DOCK10: variants seen among roughly 807,000 people sequenced by gnomAD.
DOCK10 encodes the protein dedicator of cytokinesis protein 10.
DOCK10 carries 145 observed loss-of-function variants against 280.1 expected under a neutral mutation model. The observed-to-expected ratio is 0.52, with a 90% confidence interval of 0.45 to 0.59. DOCK10 has a LOEUF of 0.59. DOCK10 is among the 20% of genes least tolerant of loss of function. The probability of loss-of-function intolerance (pLI) is 0.00; values close to 1 mark genes in which losing one functional copy is unlikely to be tolerated. For synonymous variants in DOCK10, 915 were observed against 942.2 expected (o/e 0.97, Z 0.53); for missense variants, 2,368 against 2,651.7 (o/e 0.89, Z 2.35).
chr2:224,912,432 G>GCTGCC (rs1219925475), intron 3 of DOCK10, among the ~76,000 whole-genome samples: 1 of 152,068 alleles, frequency 6.6e-6, no homozygotes, highest in Non-Finnish European at 1.5e-5. Flanking sequence ...ACCATGCCCA[G>GCTGCC]CTGCCCCCAT....
chr2:224,855,966 A>G (rs1697107432), intron 15 of DOCK10, among the ~76,000 whole-genome samples: 1 of 152,218 alleles, frequency 6.6e-6, no homozygotes. Flanking sequence ...GATTATCTGT[A>G]CATCTCTAAG....
At chr2:224,891,975 C>T (rs1050154278) in intron 4 of DOCK10, among the ~76,000 whole-genome samples, 3 of 152,160 alleles carry the variant, frequency 2.0e-5, no homozygotes, top group Admixed American at 6.5e-5. Context: ...CCCAGAAGAG[C>T]TGCAATAATG....
In DOCK10 at chr2:225,019,319, A is replaced by G. The variant is rs183410066; in HGVS notation, c.123+22933T>C. Among the ~76,000 whole-genome samples the G allele has an allele frequency of 2.5e-3, 379 of 151,824 alleles. 2 individuals carry two copies. Among genetic ancestry groups the G allele is most frequent in the African/African-American group, 8.6e-3 (354 of 41,398 alleles). On this transcript the variant is annotated intron_variant, in intron 1 of 55. Coordinates refer to ENST00000258390, the MANE Select transcript of DOCK10 (RefSeq NM_014689.3). ...CTGAACAGATATGGAGAAATACCAC[A>G]CTCCCCAACTAAATACATGGTCTGG...
At position 224,778,153 on chromosome 2, in the gene DOCK10, G is replaced by A. The variant is rs1559377584; in HGVS notation, c.5787C>T (p.Ile1929=). ...TTTCCTCTACCTTGTTGGAATCCTG[G>A]ATTATCTTCACATTGTCTGCTCCAA... ...DKFGADNVKI[I]QDSNKVNPKD... is the part of the protein sequence containing the mutation. Residue 1929 remains isoleucine, a synonymous_variant, in exon 51 of 56, where the codon ATC becomes ATT. Transcript: ENST00000258390. 1 of 1,613,256 alleles carries A rather than the reference G, an allele frequency of 6.2e-7. No individual in the cohort carries two copies. The highest frequency in any genetic ancestry group is 8.5e-7 in the Non-Finnish European group (1 of 1,179,546).
intron 1 of DOCK10, among the ~76,000 whole-genome samples, chr2:224,976,642 C>T (rs573425432): frequency 4.2e-5 from 6 of 142,132 alleles, no homozygotes; most frequent in South Asian, 2.3e-4. Flanking sequence ...GGTATCTTGT[C>T]GGGGATAACA....
At chr2:224,793,224 G>A (rs1296046370) in intron 46 of DOCK10, among the ~76,000 whole-genome samples, 152 bp from the exon 47 acceptor site, 1 of 152,110 alleles carries the variant, frequency 6.6e-6, no homozygotes, top group Non-Finnish European at 1.5e-5. Flanking sequence ...GAATAAATAA[G>A]TCAATGGCAT....
intron 15 of DOCK10, among the ~76,000 whole-genome samples, chr2:224,855,877 C>A (rs1315105224): frequency 6.6e-6 from 1 of 152,074 alleles, no homozygotes; most frequent in Admixed American, 6.5e-5. Context: ...ATAAACTTAC[C>A]ATTAAAGAAA....
chr2:224,874,465 T>C, intron 9 of DOCK10, 116 bp from the exon 10 acceptor site: 1 of 937,436 alleles, frequency 1.1e-6, no homozygotes, highest in East Asian at 2.6e-5. Context: ...TATTACCCAT[T>C]AACACTTGGC....
At chr2:224,886,221 TTGTGGATCCTAGATCC>T (rs1368890666) in intron 5 of DOCK10, 36 bp from the exon 6 acceptor site, 5 of 1,613,276 alleles carry the variant, frequency 3.1e-6, no homozygotes, top group Non-Finnish European at 4.2e-6. Context: ...CAGCCATCTT[TTGTGGATCCTAGATCC>T]TAGACACTGC....
At chr2:224,946,534 T>C (rs1575099876) in intron 1 of DOCK10, among the ~76,000 whole-genome samples, 1 of 152,196 alleles carries the variant, frequency 6.6e-6, no homozygotes, top group Admixed American at 6.5e-5. Context: ...ATAAAGAGAA[T>C]AACTTCTTCA....
chr2:224,802,175 A>G, intron 39 of DOCK10, 135 bp from the exon 40 acceptor site: 1 of 908,602 alleles, frequency 1.1e-6, no homozygotes, highest in Non-Finnish European at 1.6e-6. Flanking sequence ...TATTACAAAT[A>G]TTAATTATAG....
At chr2:224,891,018 C>T (rs1699625017) in intron 4 of DOCK10, among the ~76,000 whole-genome samples, 1 of 152,004 alleles carries the variant, frequency 6.6e-6, no homozygotes, top group African/African-American at 2.4e-5. Context: ...GTTTTAAATT[C>T]CACTTTAAAA....
intron 6 of DOCK10, 122 bp downstream of exon 6, chr2:224,885,941 C>G: frequency 1.3e-6 from 2 of 1,497,240 alleles, no homozygotes; most frequent in South Asian, 2.7e-5. Context: ...CCTACTTCCT[C>G]ATAAATAAAA....
At chr2:224,974,542 T>C (rs1476104317) in intron 1 of DOCK10, among the ~76,000 whole-genome samples, 1 of 151,978 alleles carries the variant, frequency 6.6e-6, no homozygotes, top group Non-Finnish European at 1.5e-5. Context: ...GCCTGGCGTT[T>C]AGAGAAAATC....
chr2:224,798,090 A>T, intron 41 of DOCK10, 121 bp from the exon 42 acceptor site: 1 of 950,920 alleles, frequency 1.1e-6, no homozygotes. Context: ...GAAATAAAGG[A>T]TTGAACAAGG....
intron 40 of DOCK10, among the ~76,000 whole-genome samples, chr2:224,801,296 A>AC (rs1553568022): frequency 6.7e-6 from 1 of 148,754 alleles, no homozygotes; most frequent in African/African-American, 2.6e-5. Context: ...AAAAAAAAAA[A>AC]AAAAAAACAT....
At chr2:225,001,795 C>T (rs2126285852) in intron 1 of DOCK10, among the ~76,000 whole-genome samples, 1 of 152,338 alleles carries the variant, frequency 6.6e-6, no homozygotes, top group East Asian at 1.9e-4. Context: ...TCCTGGTTCA[C>T]AGATGGCATC....
chr2:224,981,997 TAC>T (rs1705771334), intron 1 of DOCK10, among the ~76,000 whole-genome samples: 1 of 152,224 alleles, frequency 6.6e-6, no homozygotes, highest in Admixed American at 6.5e-5. Flanking sequence ...CGAGAAGCTG[TAC>T]AGTTTCATGA....
chr2:224,830,628 A>G lies in DOCK10; in HGVS notation c.2965-16T>C. The G allele has an allele frequency of 1.3e-6, 2 of 1,491,492 alleles. No homozygotes were observed. Among genetic ancestry groups the G allele is most frequent in the Non-Finnish European group, 1.8e-6 (2 of 1,103,948 alleles). 92.4% of individuals were successfully genotyped at this position (1,491,492 alleles called of 1,614,324 possible). On this transcript the variant is annotated splice_polypyrimidine_tract_variant and intron_variant, in intron 26 of 55. Transcript: ENST00000258390. ...ACCAGGAATGCTGTTGGGAAAAAAA[A>G]GGCAACGAGACATTTATTATCCTAT...
Sources: gnomAD v4.1 joint callset for allele counts (sites outside exome capture counted in the v4.1 genomes callset) on GRCh38, gnomAD v4.1.1 for gene constraint, MANE v1.5 for transcripts, NCBI Gene and HGNC (gene_info 2026-07-23, HGNC 2026-07-21) for gene names.